Variants in QTGAL observed in about 807,000 individuals in gnomAD.
The protein encoded by QTGAL is BGnT-like protein 1.
chr17:83,007,881 T>C, the QTGAL span, among the ~76,000 whole-genome samples: 1 of 152,170 alleles, frequency 6.6e-6, no homozygotes, highest in African/African-American at 2.4e-5. Flanking sequence ...GAGGATCTTT[T>C]TTGGCCTCAA....
chr17:83,028,538 A>C, the QTGAL span, among the ~76,000 whole-genome samples: 3 of 151,042 alleles, frequency 2.0e-5, no homozygotes, highest in African/African-American at 7.3e-5. Flanking sequence ...AAAAAAAAAA[A>C]GAAAAAAAAA....
the QTGAL span, chr17:83,048,493 G>A: frequency 6.2e-6 from 10 of 1,612,696 alleles, no homozygotes; most frequent in South Asian, 1.1e-5. Flanking sequence ...AGGGAGAATC[G>A]TGCCCCCCAA....
the QTGAL span, chr17:82,946,875 C>G: frequency 8.9e-5 from 138 of 1,548,820 alleles, no homozygotes; most frequent in Non-Finnish European, 1.1e-4. Context: ...GTGAAAAGAC[C>G]CACCTGGGAG....
At chr17:82,957,115 G>A in the QTGAL span, 4 of 1,595,590 alleles carry the variant, frequency 2.5e-6, no homozygotes, top group Non-Finnish European at 2.6e-6. Flanking sequence ...AAGGCTCGGA[G>A]CAGCTGTCCC....
the QTGAL span, among the ~76,000 whole-genome samples, chr17:83,033,565 G>A: frequency 4.7e-5 from 7 of 149,146 alleles, no homozygotes; most frequent in South Asian, 2.1e-4. Flanking sequence ...TCCGCCTCCC[G>A]GGTTCACGCC....
chr17:83,010,478 A>G, the QTGAL span, among the ~76,000 whole-genome samples: 1 of 152,332 alleles, frequency 6.6e-6, no homozygotes, highest in East Asian at 1.9e-4. Flanking sequence ...TCCAAGGCCC[A>G]GTCTGGCATG....
the QTGAL span, chr17:83,006,676 G>A: frequency 1.0e-4 from 99 of 985,460 alleles, no homozygotes; most frequent in Middle Eastern, 2.1e-3. This position sits in a 1 kb window ranked among gnomAD's most constrained non-coding sequence, Gnocchi z 5.8. Flanking sequence ...AGCATGATCC[G>A]GGAACGTGCA....
the QTGAL span, among the ~76,000 whole-genome samples, chr17:83,010,302 G>A: frequency 6.6e-6 from 1 of 152,166 alleles, no homozygotes; most frequent in Non-Finnish European, 1.5e-5. Context: ...TGAAGGAGGA[G>A]CACCCAGGCC....
chr17:82,946,788 T>G, the QTGAL span: 66 of 1,109,654 alleles, frequency 5.9e-5, 1 homozygote, highest in Non-Finnish European at 7.9e-5. Flanking sequence ...GAGGACTAAC[T>G]GTAAAGAAAA....
the QTGAL span, among the ~76,000 whole-genome samples, chr17:82,997,920 T>TAAA: frequency 2.3e-3 from 322 of 137,594 alleles, 1 homozygote; most frequent in East Asian, 8.6e-3. Flanking sequence ...TTAATGGGTT[T>TAAA]AAAAAAAAAA....
chr17:83,027,403 A>C, the QTGAL span, among the ~76,000 whole-genome samples: 2 of 152,268 alleles, frequency 1.3e-5, no homozygotes, highest in East Asian at 3.8e-4. Flanking sequence ...TCGATAGGAC[A>C]GTCAAAACTA....
chr17:83,040,504 C>T, the QTGAL span, among the ~76,000 whole-genome samples: 1 of 152,156 alleles, frequency 6.6e-6, no homozygotes, highest in African/African-American at 2.4e-5. Context: ...CTGAACACAG[C>T]TTGACCCAGC....
chr17:82,998,674 A>C, the QTGAL span, among the ~76,000 whole-genome samples: 1 of 152,240 alleles, frequency 6.6e-6, no homozygotes, highest in African/African-American at 2.4e-5. Flanking sequence ...TCTTTGAAAG[A>C]CATTGTTAAA....
the QTGAL span, among the ~76,000 whole-genome samples, chr17:82,953,829 G>T: frequency 2.0e-5 from 3 of 152,196 alleles, no homozygotes; most frequent in African/African-American, 7.2e-5. Flanking sequence ...TCCCTGGGAT[G>T]CAAGGCTGGT....
the QTGAL span, among the ~76,000 whole-genome samples, chr17:83,046,221 C>T: frequency 1.3e-5 from 2 of 152,212 alleles, no homozygotes; most frequent in Non-Finnish European, 2.9e-5. Context: ...CCTCTGCCTC[C>T]CGGGTTCAAG....
chr17:82,946,261 G>T, the QTGAL span, among the ~76,000 whole-genome samples: 1 of 152,064 alleles, frequency 6.6e-6, no homozygotes, highest in Admixed American at 6.5e-5. Context: ...AAATATTTTG[G>T]GACACAATAA....
the QTGAL span, among the ~76,000 whole-genome samples, chr17:82,977,822 G>C: frequency 6.6e-6 from 1 of 152,150 alleles, no homozygotes; most frequent in Non-Finnish European, 1.5e-5. Flanking sequence ...TCGTTTTCAC[G>C]CTGCCCATGT....
chr17:82,960,922 C>T, the QTGAL span: 1 of 1,336,470 alleles, frequency 7.5e-7, no homozygotes, highest in Admixed American at 2.7e-5. Flanking sequence ...CCCCGTGTCC[C>T]ACCAGACCCT....
At chr17:83,020,626 G>GC in the QTGAL span, among the ~76,000 whole-genome samples, 2 of 152,172 alleles carry the variant, frequency 1.3e-5, no homozygotes, top group African/African-American at 4.8e-5. Context: ...CAGCCCACCT[G>GC]CCCATCGGGA....
Sources: gnomAD v4.1 joint callset for allele counts (sites outside exome capture counted in the v4.1 genomes callset) on GRCh38, gnomAD v4.1.1 for gene constraint, Gnocchi (gnomAD v3.1) non-coding constraint, MANE v1.5 for transcripts, NCBI Gene and HGNC (gene_info 2026-07-23, HGNC 2026-07-21) for gene names.